Variants in ATP11A observed in about 807,000 individuals in gnomAD.
The protein encoded by ATP11A is ATPase phospholipid transporting 11A.
A neutral mutation model predicts 154.4 loss-of-function variants in ATP11A; 81 were observed. That is an observed-to-expected ratio of 0.52 (90% confidence interval 0.44 to 0.63). ATP11A has a LOEUF of 0.63. ATP11A is among the 30% of genes least tolerant of loss of function. ATP11A has a pLI of 0.00. For missense variants in ATP11A, 1,316 were observed against 1,474.3 expected (o/e 0.89, Z 1.76); for synonymous variants, 623 against 585.9 (o/e 1.06, Z -0.91).
In ATP11A at chr13:112,696,151, G is replaced by C. The variant is rs1246281220; in HGVS notation, c.39+5696G>C. ...GGACTATGATGGTGCCCACCTGGTG[G>C]GTCTGTGCAGTGACGGGACAGGTCA... On this transcript the variant is annotated intron_variant, in intron 1 of 29. Transcript: ENST00000375645. This position sits in a 1 kb window ranked among gnomAD's most constrained non-coding sequence, Gnocchi z 6.2. Among the ~76,000 whole-genome samples the C allele has an allele frequency of 6.6e-6, 1 of 152,200 alleles. No homozygotes were observed. Among genetic ancestry groups the C allele is most frequent in the Non-Finnish European group, 1.5e-5 (1 of 68,038 alleles).
chr13:112,712,353 C>T (rs73576423), intron 1 of ATP11A, among the ~76,000 whole-genome samples: 1 of 152,120 alleles, frequency 6.6e-6, no homozygotes, highest in Non-Finnish European at 1.5e-5. Context: ...CTGGTTTTCT[C>T]CAGCAGCCTT....
chr13:112,821,202 A>G (rs1216020874), intron 8 of ATP11A, among the ~76,000 whole-genome samples: 1 of 152,236 alleles, frequency 6.6e-6, no homozygotes, highest in African/African-American at 2.4e-5. Context: ...TAAACATTGC[A>G]GGCTTTTCAT....
chr13:112,853,616 C>T (rs1212895151), intron 18 of ATP11A, among the ~76,000 whole-genome samples: 1 of 152,222 alleles, frequency 6.6e-6, no homozygotes, highest in Non-Finnish European at 1.5e-5. Context: ...ACACCTTCTG[C>T]AGCGTCTGCA....
At chr13:112,878,565 G>GT (rs541147527) in intron 29 of ATP11A, 2 of 551,558 alleles carry the variant, frequency 3.6e-6, no homozygotes, top group Non-Finnish European at 6.5e-6. Context: ...CTGTGTGAGG[G>GT]TTCAGACACA....
chr13:112,844,688 T>C (rs2079524412), intron 17 of ATP11A, among the ~76,000 whole-genome samples: 1 of 151,148 alleles, frequency 6.6e-6, no homozygotes, highest in African/African-American at 2.5e-5. Context: ...ACTCGTTCAG[T>C]TGCCGAGCAC....
At position 112,815,001 on chromosome 13, in the gene ATP11A, A is replaced by G. The variant is rs1157590714; in HGVS notation, c.442-1082A>G. Among the ~76,000 whole-genome samples the G allele has an allele frequency of 2.0e-5, 3 of 152,216 alleles. No homozygotes were observed. The South Asian group carries it at 6.2e-4, about 32-fold the overall frequency. On this transcript the variant is annotated intron_variant, in intron 5 of 29. Coordinates refer to ENST00000375645, the MANE Select transcript of ATP11A (RefSeq NM_015205.3). The stretch of plus-strand genomic sequence containing the variant: ...TCGCAGTGTGCTGTGACCATCGTGT[A>G]GTGGGACAGAGACCTCTGTTTGCAG...
At chr13:112,803,489 C>T (rs2078192537) in intron 2 of ATP11A, among the ~76,000 whole-genome samples, 1 of 152,202 alleles carries the variant, frequency 6.6e-6, no homozygotes, top group Non-Finnish European at 1.5e-5. Flanking sequence ...AGACCTTCTT[C>T]AGGTTTCGGT....
At chr13:112,731,937 C>CGG (rs67335042) in intron 1 of ATP11A, among the ~76,000 whole-genome samples, 5,403 of 82,162 alleles carry the variant, frequency 0.066, 118 homozygotes, top group Non-Finnish European at 0.073. Context: ...GAAATGGGGG[C>CGG]GGGGGGGGGC....
chr13:112,874,830 A>G (rs1201142527), intron 27 of ATP11A, among the ~76,000 whole-genome samples: 2 of 152,100 alleles, frequency 1.3e-5, no homozygotes, highest in African/African-American at 2.4e-5. Flanking sequence ...GGCCATTCTA[A>G]CAGCCCTGAA....
At chr13:112,845,115 T>G (rs2079546180) in intron 17 of ATP11A, among the ~76,000 whole-genome samples, 1 of 148,696 alleles carries the variant, frequency 6.7e-6, no homozygotes, top group Non-Finnish European at 1.5e-5. Context: ...CTAGCGGTAC[T>G]AGTACTAGTC....
intron 1 of ATP11A, among the ~76,000 whole-genome samples, chr13:112,759,728 G>C (rs911238609): frequency 3.3e-5 from 5 of 152,084 alleles, no homozygotes; most frequent in African/African-American, 1.2e-4. Context: ...TTTTTTAATA[G>C]AACAATTTTA....
intron 1 of ATP11A, among the ~76,000 whole-genome samples, chr13:112,777,869 C>T (rs955672311): frequency 5.9e-5 from 9 of 152,220 alleles, no homozygotes; most frequent in Non-Finnish European, 4.4e-5. Flanking sequence ...GCTCCCCACA[C>T]GCCGCTCACC....
intron 1 of ATP11A, among the ~76,000 whole-genome samples, chr13:112,704,153 T>TGTGGGTTCCCAAGGCAAGCA (rs1411234087): frequency 3.3e-5 from 5 of 152,218 alleles, no homozygotes; most frequent in African/African-American, 1.2e-4. Flanking sequence ...TCAGCCACCA[T>TGTGGGTTCCCAAGGCAAGCA]GTGGGTTCCC....
intron 18 of ATP11A, among the ~76,000 whole-genome samples, chr13:112,853,724 A>G (rs532781685): frequency 6.9e-4 from 105 of 152,340 alleles, no homozygotes; most frequent in Non-Finnish European, 1.3e-3. Flanking sequence ...AGTGTCACAC[A>G]GGCCTGGCAT....
At chr13:112,700,382 G>A (rs983249922) in intron 1 of ATP11A, among the ~76,000 whole-genome samples, 1 of 152,176 alleles carries the variant, frequency 6.6e-6, no homozygotes, top group Non-Finnish European at 1.5e-5. Flanking sequence ...GAGAGAAGGG[G>A]CTGCCGTCCG....
At chr13:112,825,633 T>TA in intron 11 of ATP11A, 53 bp downstream of exon 11, 2 of 1,525,548 alleles carry the variant, frequency 1.3e-6, no homozygotes, top group East Asian at 4.8e-5. Flanking sequence ...GGGCCATTAT[T>TA]ACGAAAATGT....
intron 1 of ATP11A, among the ~76,000 whole-genome samples, chr13:112,735,089 G>T (rs993696730): frequency 6.6e-6 from 1 of 152,182 alleles, no homozygotes; most frequent in Non-Finnish European, 1.5e-5. Flanking sequence ...GATGGATTTA[G>T]CTGTGCATTT....
intron 2 of ATP11A, among the ~76,000 whole-genome samples, chr13:112,803,079 C>G (rs974224150): frequency 7.2e-5 from 11 of 152,160 alleles, no homozygotes; most frequent in African/African-American, 2.7e-4. Context: ...GGGGGAGCCA[C>G]TACTCTGTTT....
intron 1 of ATP11A, among the ~76,000 whole-genome samples, chr13:112,721,045 CCAGG>C (rs1354079135): frequency 2.0e-5 from 3 of 152,138 alleles, no homozygotes; most frequent in Admixed American, 1.3e-4. Context: ...TCCGCAGCCT[CCAGG>C]AGCTACTGCC....
Sources: gnomAD v4.1 joint callset for allele counts (sites outside exome capture counted in the v4.1 genomes callset) on GRCh38, gnomAD v4.1.1 for gene constraint, Gnocchi (gnomAD v3.1) non-coding constraint, MANE v1.5 for transcripts, NCBI Gene and HGNC (gene_info 2026-07-23, HGNC 2026-07-21) for gene names.